The following VPS13A variants were observed in gnomAD, a reference collection of about 807,000 sequenced individuals.
VPS13A encodes vacuolar protein sorting 13 homolog A.
Under a neutral mutation model 390.9 loss-of-function variants are expected in VPS13A, and 264 were observed. That is an observed-to-expected ratio of 0.68 (90% CI 0.61 to 0.75). The LOEUF is 0.75. Ranked by LOEUF, VPS13A falls within the 30% of genes least tolerant of loss-of-function variation. The probability of loss-of-function intolerance (pLI) is 0.00; values close to 1 mark genes in which losing one functional copy is unlikely to be tolerated. For missense variants in VPS13A, 3,409 were observed against 3,733.9 expected, an observed-to-expected ratio of 0.91 and a Z score of 2.27; for synonymous variants, 1,231 against 1,227.1, an observed-to-expected ratio of 1.00 and a Z score of -0.07.
chr9:77,201,401 C>A lies in VPS13A; in HGVS notation c.181C>A (p.His61Asn). 1.2e-6 allele frequency: 2 copies of A among 1,610,268 alleles called. No individual in the cohort carries two copies. Among genetic ancestry groups the A allele is most frequent in the South Asian group, 2.2e-5 (2 of 90,886 alleles). The stretch of plus-strand genomic sequence containing the variant: ...TGTACCATTTAAAGTTAAAGTTGGT[C>A]ACATAGGTAAGCCATATTCATTATT... ...LDVPFKVKVG[H>N]IGNLKLIIPW... Residue 61 changes from histidine to asparagine, a missense_variant, in exon 3 of 72, where the codon CAC becomes AAC. By Grantham distance (68) the His-to-Asn change is moderately conservative (BLOSUM62 1). Coordinates refer to ENST00000360280, the MANE Select transcript of VPS13A (RefSeq NM_033305.3).
rs1275272926 is a variant in VPS13A, at chr9:77,420,752, T to A, written c.*4746T>A. 1 of 152,182 alleles carries A rather than the reference T, an allele frequency of 6.6e-6. No homozygotes were observed. Among genetic ancestry groups the A allele is most frequent in the African/African-American group, 2.4e-5 (1 of 41,450 alleles). The allele number at this position is 152,182 out of a possible 1,614,324, so 9.4% of individuals were successfully genotyped here. ...CTTGTAACAAGAAACCCTGTGAGAT[T>A]GGTATAATGAGATATCAAATAATCA... On this transcript the variant is annotated 3_prime_UTR_variant, in exon 72 of 72. Coordinates refer to ENST00000360280, the MANE Select transcript of VPS13A (RefSeq NM_033305.3).
chr9:77,356,945 GA>G, intron 55 of VPS13A, 78 bp downstream of exon 55: 2 of 1,535,926 alleles, frequency 1.3e-6, no homozygotes, highest in Non-Finnish European at 1.8e-6. Flanking sequence ...GAAATTTAAG[GA>G]AAGTTTGGCT....
At position 77,293,351 on chromosome 9, in the gene VPS13A, T is replaced by A; in HGVS notation, c.3350T>A (p.Ile1117Asn). ...ITAIYKKAVY[I>N]TGKEVFSFKM... is the part of the protein sequence containing the mutation. ...TTTTCTCTTATTAAGGCTGTTTATA[T>A]CACTGGAAAAGAAGTTTTCAGCTTC... The change falls in exon 32 of 72, where the codon ATC (isoleucine) becomes AAC (asparagine). Residue 1117 changes from isoleucine to asparagine, a missense_variant. Physicochemically the swap from Ile to Asn is moderately radical, Grantham distance 149. This residue lies in a region of VPS13A where 2,717 missense variants were observed against 2,917.4 expected (regional missense o/e 0.93). Coordinates refer to ENST00000360280, the MANE Select transcript of VPS13A (RefSeq NM_033305.3). 1 of 1,612,224 alleles carries A rather than the reference T, an allele frequency of 6.2e-7. No homozygotes were observed. The highest frequency in any genetic ancestry group is 8.5e-7 in the Non-Finnish European group (1 of 1,179,014).
At chr9:77,331,445 AT>A (rs1830270060) in intron 45 of VPS13A, among the ~76,000 whole-genome samples, 1 of 151,622 alleles carries the variant, frequency 6.6e-6, no homozygotes, top group Non-Finnish European at 1.5e-5. Flanking sequence ...TATAATTTGT[AT>A]TTTCTTGATT....
At chr9:77,194,402 A>C (rs1305825883) in intron 1 of VPS13A, among the ~76,000 whole-genome samples, 3 of 152,030 alleles carry the variant, frequency 2.0e-5, no homozygotes, top group South Asian at 2.1e-4. Context: ...TGCCATGGGC[A>C]AGATAGTTCT....
intron 68 of VPS13A, among the ~76,000 whole-genome samples, chr9:77,397,783 T>TACC (rs1329584022): frequency 1.3e-5 from 2 of 152,330 alleles, no homozygotes; most frequent in South Asian, 2.1e-4. Flanking sequence ...ATTTTAATTA[T>TACC]TACCTATAGA....
Position 77,370,349 on chromosome 9 carries a change from C to T in VPS13A, c.8743+17C>T, listed in dbSNP as rs1364193804. ...GAGCTGTTGGTAAGAAACAGAATAT[C>T]TACCAAGTATTTTTGTGCTAGAAAG... On this transcript the variant is annotated intron_variant, in intron 64 of 71. Coordinates refer to ENST00000360280, the MANE Select transcript of VPS13A (RefSeq NM_033305.3). 2 of 1,614,002 alleles carry T rather than the reference C, an allele frequency of 1.2e-6. No homozygotes were observed. The highest frequency in any genetic ancestry group is 1.7e-6 in the Non-Finnish European group (2 of 1,180,020).
At chr9:77,280,883 T>C (rs1826976550) in intron 27 of VPS13A, among the ~76,000 whole-genome samples, 1 of 152,152 alleles carries the variant, frequency 6.6e-6, no homozygotes, top group Non-Finnish European at 1.5e-5. Context: ...AGCAAAAGTA[T>C]TCTAGACCTA....
intron 1 of VPS13A, among the ~76,000 whole-genome samples, chr9:77,186,427 C>T (rs1824338419): frequency 6.6e-6 from 1 of 151,922 alleles, no homozygotes; most frequent in African/African-American, 2.4e-5. Flanking sequence ...CTGAAGAACT[C>T]CTTTATTTAT....
Position 77,295,801 on chromosome 9 carries a change from T to C in VPS13A, c.3767T>C (p.Val1256Ala). 1 of 1,614,034 alleles carries C rather than the reference T, an allele frequency of 6.2e-7. No homozygotes were observed. Residue 1256 changes from valine (V) to alanine (A), a missense_variant, in exon 33 of 72, where the codon GTT (valine) becomes GCT (alanine). Coordinates refer to ENST00000360280, the MANE Select transcript of VPS13A (RefSeq NM_033305.3). ...GAGAGCCAGAGCTCTCCCCCACCTG[T>C]TATTGATTTGATAACAATAAAGCTG... Reference protein sequence around the residue: ...ITESQSSPPPVIDLITIKLSE... With the variant: ...ITESQSSPPPAIDLITIKLSE...
At chr9:77,404,296 C>G (rs1471797923) in intron 69 of VPS13A, among the ~76,000 whole-genome samples, 1 of 152,008 alleles carries the variant, frequency 6.6e-6, no homozygotes, top group African/African-American at 2.4e-5. Context: ...AGATGAAATT[C>G]TCTTATATAT....
At chr9:77,200,098 A>G in intron 2 of VPS13A, 110 bp downstream of exon 2, 1 of 1,102,904 alleles carries the variant, frequency 9.1e-7, no homozygotes. Context: ...AGTTTTTTGT[A>G]AATAATTTTT....
At chr9:77,296,135 T>C (rs892988493) in intron 33 of VPS13A, among the ~76,000 whole-genome samples, 8 of 152,350 alleles carry the variant, frequency 5.3e-5, no homozygotes, top group African/African-American at 1.9e-4. Flanking sequence ...ATAAATTACA[T>C]GGCTATGGAA....
intron 65 of VPS13A, 124 bp from the exon 66 acceptor site, chr9:77,370,766 G>C: frequency 7.0e-7 from 1 of 1,424,916 alleles, no homozygotes; most frequent in Admixed American, 1.9e-5. Flanking sequence ...AAAATACTTA[G>C]GAGATCTGTT....
chr9:77,279,363 A>C (rs898497417), intron 26 of VPS13A, among the ~76,000 whole-genome samples: 1 of 151,988 alleles, frequency 6.6e-6, no homozygotes, highest in Non-Finnish European at 1.5e-5. Context: ...CCGGACGTCC[A>C]CGTCCTTCCT....
chr9:77,400,828 A>G (rs75432607), intron 68 of VPS13A, among the ~76,000 whole-genome samples: 5 of 16,986 alleles, frequency 2.9e-4, no homozygotes, highest in Admixed American at 5.8e-4. Context: ...ACTCTGTCTG[A>G]AAAAAAAAAA....
rs766658088 is a variant in VPS13A, at chr9:77,318,426, A to G, written c.5148A>G (p.Val1716=). ...AAATAGCTCCCACAACTGAATTGGT[A>G]CCCAAAGGCGAGATGATAAAAATGA... ...TEKIAPTTEL[V]PKGEMIKMNI... Residue 1716 remains valine (V), a synonymous_variant, in exon 41 of 72, where the codon GTA becomes GTG. Coordinates refer to ENST00000360280, the MANE Select transcript of VPS13A (RefSeq NM_033305.3). The G allele has an allele frequency of 3.7e-6, 6 of 1,613,908 alleles. No individual in the cohort carries two copies. The highest frequency in any genetic ancestry group is 5.1e-6 in the Non-Finnish European group (6 of 1,179,882).
In VPS13A at chr9:77,357,746, G is replaced by C; in HGVS notation, c.7861G>C (p.Ala2621Pro). The stretch of plus-strand genomic sequence containing the variant: ...GAAAATTCTGCAGCCGCATGTAATA[G>C]CTCTACGAAGAAATTATCTTCCAGC... Reference protein sequence around the residue: ...NMKILQPHVIALRRNYLPALK... With the variant: ...NMKILQPHVIPLRRNYLPALK... The change falls in exon 56 of 72, where the codon GCT becomes CCT. Residue 2621 changes from alanine to proline, a missense_variant. Ala to Pro is a conservative substitution (Grantham distance 27). Transcript: ENST00000360280. The C allele has an allele frequency of 6.2e-7, 1 of 1,613,852 alleles. No individual in the cohort carries two copies. The highest frequency in any genetic ancestry group is 2.2e-5 in the East Asian group (1 of 44,846).
intron 23 of VPS13A, among the ~76,000 whole-genome samples, chr9:77,268,284 C>T (rs1564680115): frequency 6.6e-6 from 1 of 152,182 alleles, no homozygotes; most frequent in Non-Finnish European, 1.5e-5. Context: ...GGTGTAGGCA[C>T]CCGAGGGAAT....
Sources: allele counts gnomAD v4.1 joint callset (sites outside exome capture counted in the v4.1 genomes callset), GRCh38; gene constraint gnomAD v4.1.1; regional missense constraint gnomAD v4.1.1; transcripts MANE v1.5; gene names NCBI Gene and HGNC (gene_info 2026-07-23, HGNC 2026-07-21).